The following MEGF6 variants were observed in gnomAD, a reference collection of about 807,000 sequenced individuals.
MEGF6 encodes the protein multiple EGF like domains 6, also known as multiple epidermal growth factor-like domains protein 6.
A neutral mutation model predicts 207.1 loss-of-function variants in MEGF6; 184 were observed. That is an observed-to-expected ratio of 0.89 (90% CI 0.79 to 1.00). The LOEUF (loss-of-function observed/expected upper bound fraction) is 1.00. Among genes scored for constraint, MEGF6 ranks in the 50% least tolerant of loss-of-function variants. The pLI is 0.00. For missense variants in MEGF6, 2,282 were observed against 2,202.9 expected (o/e 1.04, Z -0.72); for synonymous variants, 1,038 against 910.0 (o/e 1.14, Z -2.53).
intron 9 of MEGF6, 54 bp from the exon 10 acceptor site, chr1:3,510,956 G>A (rs1641324515): frequency 5.8e-6 from 8 of 1,386,242 alleles, no homozygotes; most frequent in East Asian, 2.9e-5. Context: ...ACGTGCACAC[G>A]CCCCCACCCA....
chr1:3,528,429 T>C (rs1262747541), intron 4 of MEGF6, among the ~76,000 whole-genome samples: 1 of 152,182 alleles, frequency 6.6e-6, no homozygotes, highest in African/African-American at 2.4e-5. Context: ...GTAGGCGCAG[T>C]GGCCTTTCAG....
chr1:3,495,259 GA>G (rs1431945049), intron 30 of MEGF6, among the ~76,000 whole-genome samples: 3 of 152,202 alleles, frequency 2.0e-5, no homozygotes, highest in Non-Finnish European at 4.4e-5. Context: ...TGAGCCCTGG[GA>G]TCCTGAACCC....
intron 2 of MEGF6, among the ~76,000 whole-genome samples, chr1:3,595,715 G>A (rs889913107): frequency 1.3e-4 from 20 of 152,290 alleles, no homozygotes; most frequent in Admixed American, 7.8e-4. Flanking sequence ...CTACCTCACT[G>A]CCCCTGCCTG....
Position 3,608,426 on chromosome 1 carries a change from C to A in MEGF6, c.131+2712G>T, listed in dbSNP as rs532980882. On this transcript the variant is annotated intron_variant, in intron 1 of 36. Transcript: ENST00000356575. ...GGTCGGGGAGCAGGCCTGCTGACAACCTGCAGGCCTCAGGCTCACGAATGG... is the reference window on the plus strand; with the variant it reads ...GGTCGGGGAGCAGGCCTGCTGACAAACTGCAGGCCTCAGGCTCACGAATGG... 1.3e-3 allele frequency among the ~76,000 whole-genome samples: 196 copies of A among 152,292 alleles called. 4 individuals carry two copies. The Middle Eastern group carries it at 0.02, about 16-fold the overall frequency.
chr1:3,623,208 C>CCT, the MEGF6 span: 1 of 151,826 alleles, frequency 6.6e-6, no homozygotes, highest in Non-Finnish European at 1.5e-5. Context: ...TTTCTCCCTC[C>CCT]CTCTCTCTGG....
chr1:3,579,081 G>A (rs1452286962), intron 4 of MEGF6, among the ~76,000 whole-genome samples: 1 of 152,262 alleles, frequency 6.6e-6, no homozygotes, highest in Non-Finnish European at 1.5e-5. Flanking sequence ...CAAAGCCCCA[G>A]GGCCACTGGG....
rs1442871905 is a variant in MEGF6, at chr1:3,579,845, T to C, written c.461A>G (p.Gln154Arg). Residue 154 changes from glutamine to arginine, a missense_variant, in exon 4 of 37, where the codon CAG becomes CGG. Physicochemically the swap from Gln to Arg is conservative, Grantham distance 43. Coordinates refer to ENST00000356575, the MANE Select transcript of MEGF6 (RefSeq NM_001409.4). ...AQPCHCPPGF[Q>R]GPRCQYDVDE... Reference sequence around the variant, plus strand: ...CTCACCATACTGACAGCGGGGTCCCTGGAAGCCGGGGGGACAGTGACACGG... The same window carrying C: ...CTCACCATACTGACAGCGGGGTCCCCGGAAGCCGGGGGGACAGTGACACGG... 1.3e-6 allele frequency: 2 copies of C among 1,532,316 alleles called. No individual in the cohort carries two copies. Among genetic ancestry groups the C allele is most frequent in the Non-Finnish European group, 1.7e-6 (2 of 1,145,988 alleles). The allele number at this position is 1,532,316 out of a possible 1,614,324, so 94.9% of individuals were successfully genotyped here.
intron 4 of MEGF6, among the ~76,000 whole-genome samples, chr1:3,529,895 C>A (rs989597461): frequency 6.6e-6 from 1 of 152,272 alleles, no homozygotes; most frequent in African/African-American, 2.4e-5. Context: ...CAGAAAGCTC[C>A]GCTCAGGGCA....
chr1:3,568,038 C>T lies in MEGF6; in HGVS notation c.481+11787G>A, dbSNP rs117017592. ...GCCCAGCTGCTGAGGAGGCAGAACC[C>T]GTCCCATAAACGCCAGAGAGGCCTG... On this transcript the variant is annotated intron_variant, in intron 4 of 36. Coordinates refer to ENST00000356575, the MANE Select transcript of MEGF6 (RefSeq NM_001409.4). Among the ~76,000 whole-genome samples the T allele has an allele frequency of 4.3e-3, 648 of 152,288 alleles. 15 individuals are homozygous for T. In the East Asian group the frequency reaches 0.047, roughly 11 times the overall value.
rs1641507463 is a variant in MEGF6 at position 3,515,434 on chromosome 1, A to T, written c.698T>A (p.Phe233Tyr). The change falls in exon 6 of 37, where the codon TTC becomes TAC. Residue 233 changes from phenylalanine to tyrosine, a missense_variant. By Grantham distance (22) the Phe-to-Tyr change is conservative. Transcript: ENST00000356575. ...ATGCCTGCCGTCCTCCTGGAGCTGG[A>T]ACCCGGGCCGGCACTGGCAGCGATG... is the stretch of plus-strand genomic sequence containing the variant. ...TRHRCQCRPG[F>Y]QLQEDGRHCV... 6.2e-7 allele frequency: 1 copy of T among 1,612,468 alleles called. No individual in the cohort carries two copies. Among genetic ancestry groups the T allele is most frequent in the South Asian group, 1.1e-5 (1 of 91,064 alleles).
At chr1:3,574,062 G>C (rs1570168117) in intron 4 of MEGF6, among the ~76,000 whole-genome samples, 1 of 150,408 alleles carries the variant, frequency 6.6e-6, no homozygotes, top group South Asian at 2.1e-4. Context: ...ACACCCGAGA[G>C]ACCCCCACTG....
intron 4 of MEGF6, among the ~76,000 whole-genome samples, chr1:3,562,821 C>T (rs1643240461): frequency 6.6e-6 from 1 of 152,206 alleles, no homozygotes; most frequent in Non-Finnish European, 1.5e-5. Flanking sequence ...GTCCAGCACT[C>T]AAGGCCAGCA....
chr1:3,576,407 T>G (rs1643643848), intron 4 of MEGF6, among the ~76,000 whole-genome samples: 1 of 152,196 alleles, frequency 6.6e-6, no homozygotes, highest in African/African-American at 2.4e-5. Context: ...CCTGTCTCCC[T>G]CCCCAACTCC....
rs187798418 is a variant in MEGF6 at position 3,547,592 on chromosome 1, G to A, written c.482-23346C>T. Reference sequence around the variant, plus strand: ...CACCTGCACAGCCACTCCCCCTCCCGCCTTCGGACAGCCCCAGGCCCCATC... The same window carrying A: ...CACCTGCACAGCCACTCCCCCTCCCACCTTCGGACAGCCCCAGGCCCCATC... On this transcript the variant is annotated intron_variant, in intron 4 of 36. Transcript: ENST00000356575. Among the ~76,000 whole-genome samples, 231 of 152,180 alleles carry A rather than the reference G, an allele frequency of 1.5e-3. 1 individual carries two copies. Among genetic ancestry groups the A allele is most frequent in the African/African-American group, 3.6e-3 (150 of 41,518 alleles).
At chr1:3,528,640 GGGA>G (rs1380143898) in intron 4 of MEGF6, among the ~76,000 whole-genome samples, 7 of 152,144 alleles carry the variant, frequency 4.6e-5, no homozygotes, top group Non-Finnish European at 8.8e-5. Flanking sequence ...TCAGAGGGCG[GGGA>G]GGAGGAGATG....
chr1:3,620,476 G>A, the MEGF6 span, among the ~76,000 whole-genome samples: 15 of 152,354 alleles, frequency 9.8e-5, no homozygotes, highest in African/African-American at 3.4e-4. Flanking sequence ...GAAGACAAGA[G>A]GTGAACTTCG....
intron 4 of MEGF6, among the ~76,000 whole-genome samples, chr1:3,548,281 G>A (rs563843439): frequency 4.9e-4 from 75 of 152,344 alleles, no homozygotes; most frequent in Non-Finnish European, 5.4e-4. Context: ...CCCCAGTGCC[G>A]GGGGCATTTC....
At chr1:3,571,349 T>A (rs1448801399) in intron 4 of MEGF6, among the ~76,000 whole-genome samples, 3 of 151,956 alleles carry the variant, frequency 2.0e-5, no homozygotes, top group Admixed American at 6.6e-5. Flanking sequence ...CTCAGAGGAC[T>A]CCCACCCCCG....
At chr1:3,571,121 A>T (rs921846022) in intron 4 of MEGF6, among the ~76,000 whole-genome samples, 52 of 152,160 alleles carry the variant, frequency 3.4e-4, no homozygotes, top group African/African-American at 1.2e-3. Context: ...GGTCTGGGGG[A>T]CCAGGGGTGG....
Sources: gnomAD v4.1 joint callset for allele counts (sites outside exome capture counted in the v4.1 genomes callset) on GRCh38, gnomAD v4.1.1 for gene constraint, MANE v1.5 for transcripts, NCBI Gene and HGNC (gene_info 2026-07-23, HGNC 2026-07-21) for gene names.